Variants in TRHDE observed in about 807,000 individuals in gnomAD.
TRHDE encodes thyrotropin-releasing hormone-degrading ectoenzyme.
In TRHDE, 72 loss-of-function variants were observed where a neutral mutation model predicts 125.7. The ratio of observed to expected loss-of-function variants is 0.57; its 90% confidence interval spans 0.47 to 0.70. The LOEUF (loss-of-function observed/expected upper bound fraction) is 0.70, where lower values mean the gene tolerates loss of function less well. Ranked by LOEUF, TRHDE falls within the 30% of genes least tolerant of loss-of-function variation. TRHDE has a pLI of 0.00. For missense variants in TRHDE, 1,110 were observed against 1,327.1 expected, an observed-to-expected ratio of 0.84 and a Z score of 2.54; for synonymous variants, 509 against 509.1, an observed-to-expected ratio of 1.00 and a Z score of 0.00.
chr12:72,473,036 T>G (rs745760654), intron 4 of TRHDE, 31 bp from the exon 5 acceptor site: 4 of 1,503,286 alleles, frequency 2.7e-6, no homozygotes, highest in Non-Finnish European at 3.7e-6. Flanking sequence ...GATTTTATTT[T>G]ATTTGATGAC....
chr12:72,115,733 A>G (rs919772394), intron 2 of TRHDE, among the ~76,000 whole-genome samples: 2 of 152,126 alleles, frequency 1.3e-5, no homozygotes, highest in Non-Finnish European at 2.9e-5. Context: ...CTTTTGTATA[A>G]AAGACATTTT....
At chr12:72,107,087 C>T (rs1320321193) in intron 2 of TRHDE, among the ~76,000 whole-genome samples, 1 of 152,034 alleles carries the variant, frequency 6.6e-6, no homozygotes, top group African/African-American at 2.4e-5. Context: ...TAAGTTTTAT[C>T]TAAATGAATA....
chr12:72,597,762 T>TATATATATAC (rs1555200904), intron 12 of TRHDE, among the ~76,000 whole-genome samples: 4 of 80,650 alleles, frequency 5.0e-5, no homozygotes, highest in Non-Finnish European at 7.2e-5. Flanking sequence ...TATATATGCA[T>TATATATATAC]ACACACACAA....
At chr12:72,152,208 G>T (rs1876384815) in intron 2 of TRHDE, among the ~76,000 whole-genome samples, 1 of 150,570 alleles carries the variant, frequency 6.6e-6, no homozygotes, top group Non-Finnish European at 1.5e-5. Flanking sequence ...GTCTGTTATT[G>T]GTGTATAAGA....
chr12:72,535,268 A>G (rs1425246668), intron 6 of TRHDE, among the ~76,000 whole-genome samples: 1 of 152,150 alleles, frequency 6.6e-6, no homozygotes, highest in Admixed American at 6.6e-5. Flanking sequence ...ATCATCTCAC[A>G]TGCCTAAGTA....
intron 6 of TRHDE, among the ~76,000 whole-genome samples, chr12:72,535,705 G>A (rs757278716): frequency 4.0e-5 from 6 of 151,454 alleles, no homozygotes; most frequent in Non-Finnish European, 7.4e-5. Context: ...AAACAGCGAA[G>A]AAAACATGTT....
At chr12:72,121,665 ATGTTAAAC>A (rs1481771915) in intron 2 of TRHDE, among the ~76,000 whole-genome samples, 2 of 147,924 alleles carry the variant, frequency 1.4e-5, no homozygotes, top group Non-Finnish European at 3.0e-5. Context: ...CAGTGATATG[ATGTTAAAC>A]TGGGTACTGT....
intron 6 of TRHDE, among the ~76,000 whole-genome samples, chr12:72,536,579 C>T (rs1868870579): frequency 6.6e-6 from 1 of 152,030 alleles, no homozygotes; most frequent in Non-Finnish European, 1.5e-5. Flanking sequence ...CAGTGATTGG[C>T]TAGGAGTAAA....
chr12:72,127,600 T>C (rs1238904343), intron 2 of TRHDE, among the ~76,000 whole-genome samples: 1 of 152,106 alleles, frequency 6.6e-6, no homozygotes, highest in African/African-American at 2.4e-5. Context: ...ACCATGTGCA[T>C]GTTCTCACTT....
chr12:72,155,338 A>C (rs1345372272), intron 2 of TRHDE, among the ~76,000 whole-genome samples: 1 of 152,028 alleles, frequency 6.6e-6, no homozygotes, highest in African/African-American at 2.4e-5. Context: ...CATGGGTTCG[A>C]ACTTCCTTCT....
In TRHDE at chr12:72,272,627, G is replaced by A; in HGVS notation, c.-17G>A. The stretch of plus-strand genomic sequence containing the variant: ...GGGGGTGCCAGAGGGGGCGGGGGAG[G>A]AGGAGGAGGCGGTGTGATGGCCCTG... On this transcript the variant is annotated 5_prime_UTR_variant, in exon 1 of 19. Transcript: ENST00000261180. This position sits in a 1 kb window ranked among gnomAD's most constrained non-coding sequence, Gnocchi z 6.7. 1 of 932,728 alleles carries A rather than the reference G, an allele frequency of 1.1e-6. No homozygotes were observed. Among genetic ancestry groups the A allele is most frequent in the South Asian group, 1.9e-5 (1 of 52,978 alleles). The allele number at this position is 932,728 out of a possible 1,614,324, so 57.8% of individuals were successfully genotyped here.
intron 2 of TRHDE, among the ~76,000 whole-genome samples, chr12:72,224,719 T>G (rs1382252087): frequency 6.6e-6 from 1 of 152,156 alleles, no homozygotes; most frequent in East Asian, 1.9e-4. Flanking sequence ...ACAACAAAAT[T>G]AACTGCTAGG....
intron 12 of TRHDE, among the ~76,000 whole-genome samples, chr12:72,578,659 A>C (rs1028657373): frequency 1.3e-5 from 2 of 152,104 alleles, no homozygotes; most frequent in African/African-American, 4.8e-5. Context: ...TGTCTACCCT[A>C]ATGTTTGCTA....
chr12:72,185,524 C>G (rs1382268680), intron 2 of TRHDE, among the ~76,000 whole-genome samples: 1 of 152,250 alleles, frequency 6.6e-6, no homozygotes, highest in African/African-American at 2.4e-5. Flanking sequence ...CTGGTGGGGA[C>G]GTGGAGAGTC....
Position 72,406,320 on chromosome 12 carries a change from T to G in TRHDE, c.1315+28199T>G, listed in dbSNP as rs189514415. ...AGTACTCTATACGTCAACAGATTAT[T>G]GTTTCCACTGAGAATCCCAGTGGAA... On this transcript the variant is annotated intron_variant, in intron 3 of 18. Coordinates refer to ENST00000261180, the MANE Select transcript of TRHDE (RefSeq NM_013381.3). Among the ~76,000 whole-genome samples, 3 of 152,272 alleles carry G rather than the reference T, an allele frequency of 2.0e-5. No homozygotes were observed. In the East Asian group the frequency reaches 5.8e-4, roughly 29 times the overall value.
chr12:72,581,298 A>T (rs1386373885), intron 12 of TRHDE, among the ~76,000 whole-genome samples: 2 of 152,246 alleles, frequency 1.3e-5, no homozygotes, highest in Non-Finnish European at 2.9e-5. Context: ...AAAGCTTTTA[A>T]CATGCTCTGA....
At chr12:72,291,274 T>C (rs545324174) in intron 2 of TRHDE, among the ~76,000 whole-genome samples, 2 of 152,304 alleles carry the variant, frequency 1.3e-5, no homozygotes, top group Admixed American at 1.3e-4. Context: ...GACTGGAATA[T>C]GGTTATGACA....
At chr12:72,367,884 G>A (rs999279824) in intron 2 of TRHDE, among the ~76,000 whole-genome samples, 1 of 152,146 alleles carries the variant, frequency 6.6e-6, no homozygotes, top group Non-Finnish European at 1.5e-5. Context: ...ATGTACTCTT[G>A]CAGCATAAAA....
At chr12:72,491,011 A>C (rs1312769565) in intron 5 of TRHDE, among the ~76,000 whole-genome samples, 1 of 146,888 alleles carries the variant, frequency 6.8e-6, no homozygotes, top group African/African-American at 2.5e-5. Flanking sequence ...AAAAAAAAAT[A>C]GATAGCTGTG....
Sources: gnomAD v4.1 joint callset for allele counts (sites outside exome capture counted in the v4.1 genomes callset) on GRCh38, gnomAD v4.1.1 for gene constraint, Gnocchi (gnomAD v3.1) non-coding constraint, MANE v1.5 for transcripts, NCBI Gene and HGNC (gene_info 2026-07-23, HGNC 2026-07-21) for gene names.